The following XPO4 variants were observed in gnomAD, a reference collection of about 807,000 sequenced individuals.
XPO4 encodes the protein exportin-4.
XPO4 carries 39 observed loss-of-function variants against 143.0 expected under a neutral mutation model. That is an observed-to-expected ratio of 0.27 (90% CI 0.21 to 0.36). XPO4 has a LOEUF of 0.36. Among genes scored for constraint, XPO4 ranks in the 10% least tolerant of loss-of-function variants. The probability of loss-of-function intolerance (pLI) is 1.00; values close to 1 mark genes in which losing one functional copy is unlikely to be tolerated. For missense variants in XPO4, 907 were observed against 1,348.0 expected, an observed-to-expected ratio of 0.67 and a Z score of 5.12; for synonymous variants, 439 against 474.0, an observed-to-expected ratio of 0.93 and a Z score of 0.96.
intron 18 of XPO4, among the ~76,000 whole-genome samples, chr13:20,794,454 C>A (rs2059329954): frequency 6.6e-6 from 1 of 152,112 alleles, no homozygotes; most frequent in Non-Finnish European, 1.5e-5. Context: ...AGCTCTGGGT[C>A]CTAACATTTA....
At chr13:20,819,517 G>A (rs1252073231) in intron 9 of XPO4, among the ~76,000 whole-genome samples, 4 of 152,046 alleles carry the variant, frequency 2.6e-5, no homozygotes, top group African/African-American at 9.7e-5. Context: ...AAAATTAGCC[G>A]GGCGTGATGG....
At chr13:20,865,957 AT>A (rs2060241414) in intron 2 of XPO4, 1 of 882,718 alleles carries the variant, frequency 1.1e-6, no homozygotes, top group Middle Eastern at 5.9e-4. Context: ...GTGGTTTATT[AT>A]TTTGTTTTGT....
intron 9 of XPO4, among the ~76,000 whole-genome samples, chr13:20,813,587 T>C (rs1030631896): frequency 6.6e-6 from 1 of 152,090 alleles, no homozygotes; most frequent in African/African-American, 2.4e-5. Context: ...TTCGGAAAAA[T>C]TTGACACTAC....
chr13:20,855,543 A>T, intron 4 of XPO4, 84 bp downstream of exon 4: 1 of 1,238,468 alleles, frequency 8.1e-7, no homozygotes, highest in Non-Finnish European at 1.0e-6. Context: ...TTTTATGTAG[A>T]TATCCATTAC....
At chr13:20,863,832 C>T (rs1015596017) in intron 2 of XPO4, among the ~76,000 whole-genome samples, 1 of 152,182 alleles carries the variant, frequency 6.6e-6, no homozygotes, top group Non-Finnish European at 1.5e-5. Flanking sequence ...TAGACTGGCA[C>T]CTTCAAGAAT....
chr13:20,796,726 GT>G (rs1481339722), intron 17 of XPO4, 37 bp downstream of exon 17: 2 of 1,473,772 alleles, frequency 1.4e-6, no homozygotes, highest in East Asian at 2.4e-5. Flanking sequence ...GCTTCAAAGA[GT>G]TTTAATCCTG....
At chr13:20,833,612 T>A (rs1238958893) in intron 6 of XPO4, among the ~76,000 whole-genome samples, 1 of 152,182 alleles carries the variant, frequency 6.6e-6, no homozygotes, top group Non-Finnish European at 1.5e-5. Context: ...TCCAAGGATG[T>A]GGAACCCACA....
At chr13:20,820,375 C>T (rs955387593) in intron 9 of XPO4, among the ~76,000 whole-genome samples, 5 of 152,146 alleles carry the variant, frequency 3.3e-5, no homozygotes, top group African/African-American at 4.8e-5. Flanking sequence ...TTTAGGAACA[C>T]GCTTAACTCA....
intron 1 of XPO4, among the ~76,000 whole-genome samples, chr13:20,892,097 G>A (rs2060523986): frequency 6.6e-6 from 1 of 151,496 alleles, no homozygotes; most frequent in Non-Finnish European, 1.5e-5. Context: ...CATGATCTCG[G>A]CTCACTCCAA....
intron 19 of XPO4, 54 bp from the exon 20 acceptor site, chr13:20,788,670 T>G: frequency 6.8e-7 from 1 of 1,464,242 alleles, no homozygotes; most frequent in Non-Finnish European, 9.2e-7. Flanking sequence ...AATTTCTATT[T>G]TCATCAATGC....
chr13:20,873,509 T>A (rs1361531777), intron 1 of XPO4, among the ~76,000 whole-genome samples: 1 of 152,232 alleles, frequency 6.6e-6, no homozygotes, highest in African/African-American at 2.4e-5. Flanking sequence ...AACAGTCACA[T>A]AAATAATTCA....
chr13:20,848,620 A>G (rs1049839866), intron 4 of XPO4: 7 of 985,330 alleles, frequency 7.1e-6, no homozygotes, highest in Non-Finnish European at 8.4e-6. Flanking sequence ...TAAAATTACT[A>G]AATGTGTTAC....
chr13:20,813,186 AC>A (rs148384285), intron 9 of XPO4, among the ~76,000 whole-genome samples: 6 of 150,608 alleles, frequency 4.0e-5, no homozygotes, highest in Admixed American at 1.3e-4. Flanking sequence ...TAATCCAATC[AC>A]CCCCCACCAG....
At chr13:20,821,287 A>G (rs961700410) in intron 9 of XPO4, among the ~76,000 whole-genome samples, 6 of 149,444 alleles carry the variant, frequency 4.0e-5, no homozygotes, top group African/African-American at 1.5e-4. Context: ...TAATTGCCAA[A>G]TAAGTCCAAC....
At chr13:20,813,296 A>C (rs1303149496) in intron 9 of XPO4, among the ~76,000 whole-genome samples, 1 of 152,188 alleles carries the variant, frequency 6.6e-6, no homozygotes. Context: ...AACCCATATA[A>C]CCAACAAGAA....
At chr13:20,840,400 GT>G in intron 6 of XPO4, among the ~76,000 whole-genome samples, 1 of 151,978 alleles carries the variant, frequency 6.6e-6, no homozygotes, top group South Asian at 2.1e-4. Flanking sequence ...TAGAGATAGG[GT>G]TGTGCTATGC....
intron 14 of XPO4, 106 bp from the exon 15 acceptor site, chr13:20,800,431 C>T: frequency 9.7e-6 from 10 of 1,033,954 alleles, no homozygotes; most frequent in East Asian, 2.6e-5. Flanking sequence ...TGAAGTAGTG[C>T]TTACTTCACA....
intron 9 of XPO4, among the ~76,000 whole-genome samples, chr13:20,813,640 A>T (rs755127144): frequency 9.2e-5 from 14 of 152,134 alleles, no homozygotes; most frequent in Admixed American, 1.3e-4. Context: ...TGATCAAAAA[A>T]TTCCACTCCT....
Position 20,807,514 on chromosome 13 carries a change from G to A in XPO4, c.1760C>T (p.Ser587Phe). Residue 587 changes from serine to phenylalanine, a missense_variant, in exon 13 of 23, where the codon TCT becomes TTT. Coordinates refer to ENST00000255305, the MANE Select transcript of XPO4 (RefSeq NM_022459.5). ...GATGGAAGAAGCCTTTTCTCCTGGA[G>A]ATCCCAAAATTTGAAGTGTTGTATT... is the stretch of plus-strand genomic sequence containing the variant. The part of the protein sequence containing the change: ...DINTTLQILG[S>F]PGEKASSIPG... 1 of 1,613,696 alleles carries A rather than the reference G, an allele frequency of 6.2e-7. No individual in the cohort carries two copies. The highest frequency in any genetic ancestry group is 8.5e-7 in the Non-Finnish European group (1 of 1,179,834).
Sources: allele counts gnomAD v4.1 joint callset (sites outside exome capture counted in the v4.1 genomes callset), GRCh38; gene constraint gnomAD v4.1.1; transcripts MANE v1.5; gene names NCBI Gene and HGNC (gene_info 2026-07-23, HGNC 2026-07-21).